The following CELF4 variants were observed in gnomAD, a reference collection of about 807,000 sequenced individuals.
The protein encoded by CELF4 is CUGBP Elav-like family member 4, also known as CUG-BP- and ETR-3-like factor 4.
In CELF4, 18 loss-of-function variants were observed where a neutral mutation model predicts 59.9. The observed-to-expected ratio is 0.30, with a 90% CI of 0.21 to 0.45. The LOEUF (loss-of-function observed/expected upper bound fraction) is 0.45, where lower values mean the gene tolerates loss of function less well. Among genes scored for constraint, CELF4 ranks in the 20% least tolerant of loss-of-function variants. The pLI is 1.00. For synonymous variants in CELF4, 261 were observed against 267.1 expected, an observed-to-expected ratio of 0.98 and a Z score of 0.22; for missense variants, 456 against 689.0, an observed-to-expected ratio of 0.66 and a Z score of 3.79.
chr18:37,270,133 G>C (rs919628642), intron 8 of CELF4, among the ~76,000 whole-genome samples: 5 of 152,162 alleles, frequency 3.3e-5, no homozygotes, highest in African/African-American at 9.7e-5. Context: ...GGCTAAGTTT[G>C]AGGAAAAAAG....
In CELF4 at chr18:37,543,892, C is replaced by T. The variant is rs74826358; in HGVS notation, c.286+21464G>A. Among the ~76,000 whole-genome samples, 68 of 152,280 alleles carry T rather than the reference C, an allele frequency of 4.5e-4. No homozygotes were observed. In the East Asian group the frequency reaches 0.012, roughly 27 times the overall value. On this transcript the variant is annotated intron_variant, in intron 1 of 12. Coordinates refer to ENST00000420428, the MANE Select transcript of CELF4 (RefSeq NM_020180.4). ...CCGCTGGGCAGGGAGGCTGAAGCTC[C>T]AGGGAGGCTGAAGCTTGGGGGACTC... is the stretch of plus-strand genomic sequence containing the variant.
At chr18:37,259,456 G>A (rs754558840) in intron 10 of CELF4, among the ~76,000 whole-genome samples, 192 bp from the exon 11 acceptor site, 11 of 152,202 alleles carry the variant, frequency 7.2e-5, no homozygotes, top group African/African-American at 2.7e-4. Flanking sequence ...TCTGAGCTCC[G>A]GTCTCTGCTC....
chr18:37,560,152 T>C (rs975197865), intron 1 of CELF4, among the ~76,000 whole-genome samples: 3 of 152,220 alleles, frequency 2.0e-5, no homozygotes, highest in Admixed American at 2.0e-4. Flanking sequence ...AGGGACGTTG[T>C]TAACATCTCC....
chr18:37,319,802 C>T (rs1449198410), intron 3 of CELF4, among the ~76,000 whole-genome samples: 1 of 152,192 alleles, frequency 6.6e-6, no homozygotes, highest in Non-Finnish European at 1.5e-5. Flanking sequence ...GAGCACTGGG[C>T]CTGGGCCTGG....
intron 1 of CELF4, among the ~76,000 whole-genome samples, chr18:37,559,375 A>G (rs927568941): frequency 2.0e-5 from 3 of 152,074 alleles, no homozygotes; most frequent in Non-Finnish European, 2.9e-5. Flanking sequence ...ACCCACAGAC[A>G]CATAGGTTTT....
chr18:37,310,248 G>A (rs1290844933), intron 3 of CELF4, among the ~76,000 whole-genome samples: 1 of 152,114 alleles, frequency 6.6e-6, no homozygotes, highest in African/African-American at 2.4e-5. Context: ...ATGGAACTGG[G>A]ACCAGAGGGC....
intron 2 of CELF4, among the ~76,000 whole-genome samples, chr18:37,396,785 C>T (rs117200028): frequency 0.037 from 5,622 of 152,260 alleles, 152 homozygotes; most frequent in Middle Eastern, 0.058. Context: ...AACCCATGAC[C>T]TCAGTCTCAG....
At chr18:37,518,264 G>C (rs889011485) in intron 1 of CELF4, among the ~76,000 whole-genome samples, 1 of 152,090 alleles carries the variant, frequency 6.6e-6, no homozygotes, top group Non-Finnish European at 1.5e-5. Flanking sequence ...AAATGAAGAA[G>C]AGTTTCAGCC....
rs116534971 is a variant in CELF4, at chr18:37,497,635, G to A, written c.287-12028C>T. On this transcript the variant is annotated intron_variant, in intron 1 of 12. Transcript: ENST00000420428. The stretch of plus-strand genomic sequence containing the variant: ...CCACTGTGCTCCAGCCTCGATGACA[G>A]AACGAGACTCTGTCTCAAAAAAAAA... Among the ~76,000 whole-genome samples, 3,436 of 141,832 alleles carry A rather than the reference G, an allele frequency of 0.024. 197 individuals carry two copies. In the East Asian group the frequency reaches 0.26, roughly 11 times the overall value. 93.0% of individuals were successfully genotyped at this position (141,832 alleles called of 152,430 possible).
At chr18:37,405,891 C>T (rs907449125) in intron 2 of CELF4, among the ~76,000 whole-genome samples, 1 of 152,158 alleles carries the variant, frequency 6.6e-6, no homozygotes, top group African/African-American at 2.4e-5. Context: ...GCTGGCCCCC[C>T]TCCAGCCGGG....
In CELF4 at chr18:37,253,781, G is replaced by GTC; in HGVS notation, c.*28_*29dup. The stretch of plus-strand genomic sequence containing the variant: ...CCCCCGGTTACCTGTGCGAGTCCTG[G>GTC]TCTCCCCCGGGGGACGCTCCCGCCG... On this transcript the variant is annotated 3_prime_UTR_variant, in exon 12 of 13. Coordinates refer to ENST00000420428, the MANE Select transcript of CELF4 (RefSeq NM_020180.4). This position sits in a 1 kb window ranked among gnomAD's most constrained non-coding sequence, Gnocchi z 4.5. The GTC allele has an allele frequency of 6.3e-7, 1 of 1,582,020 alleles. No individual in the cohort carries two copies. Among genetic ancestry groups the GTC allele is most frequent in the Non-Finnish European group, 8.6e-7 (1 of 1,163,566 alleles).
chr18:37,554,268 T>C (rs1603644067), intron 1 of CELF4, among the ~76,000 whole-genome samples: 1 of 152,098 alleles, frequency 6.6e-6, no homozygotes. Flanking sequence ...GGAACGGCAG[T>C]GACCCGCAGG....
chr18:37,488,054 C>A (rs956386270), intron 1 of CELF4, among the ~76,000 whole-genome samples: 1 of 151,986 alleles, frequency 6.6e-6, no homozygotes, highest in Non-Finnish European at 1.5e-5. Context: ...CAGGTGCACT[C>A]TGTCTTAGGG....
chr18:37,490,654 A>G (rs572900565), intron 1 of CELF4, among the ~76,000 whole-genome samples: 142 of 152,136 alleles, frequency 9.3e-4, no homozygotes, highest in African/African-American at 3.2e-3. Context: ...AATGTAAATG[A>G]TTCTGGTTCT....
At chr18:37,357,287 G>A (rs1477878593) in intron 2 of CELF4, among the ~76,000 whole-genome samples, 2 of 152,200 alleles carry the variant, frequency 1.3e-5, no homozygotes, top group African/African-American at 2.4e-5. Flanking sequence ...CTGCATCCTA[G>A]CTGCTCCAGC....
At chr18:37,307,686 C>T (rs1025174770) in intron 3 of CELF4, among the ~76,000 whole-genome samples, 1 of 151,972 alleles carries the variant, frequency 6.6e-6, no homozygotes, top group South Asian at 2.1e-4. Context: ...AGAGATGGGC[C>T]TCATGGTACA....
chr18:37,388,193 T>C (rs1190930588), intron 2 of CELF4, among the ~76,000 whole-genome samples: 1 of 152,082 alleles, frequency 6.6e-6, no homozygotes, highest in East Asian at 1.9e-4. Flanking sequence ...AAGGTGAGGC[T>C]GAGGTCTTCA....
rs28669029 is a variant in CELF4, at chr18:37,521,805, C to T, written c.287-36198G>A. Among the ~76,000 whole-genome samples the T allele has an allele frequency of 4.4e-3, 675 of 152,308 alleles. 2 individuals are homozygous for T. The highest frequency in any genetic ancestry group is 0.016 in the African/African-American group (649 of 41,568). ...CTGTGAAAGCCTGTCCTTCATCCTG[C>T]CATGCAGGCAGGAAGGCTTGAGGAG... On this transcript the variant is annotated intron_variant, in intron 1 of 12. Transcript: ENST00000420428.
intron 2 of CELF4, among the ~76,000 whole-genome samples, chr18:37,389,693 C>T (rs1003730142): frequency 1.3e-5 from 2 of 152,172 alleles, no homozygotes; most frequent in African/African-American, 2.4e-5. Context: ...TCCTGCCCTC[C>T]CTGCAGCCTC....
Sources: allele counts gnomAD v4.1 joint callset (sites outside exome capture counted in the v4.1 genomes callset), GRCh38; gene constraint gnomAD v4.1.1; non-coding constraint Gnocchi (gnomAD v3.1); transcripts MANE v1.5; gene names NCBI Gene and HGNC (gene_info 2026-07-23, HGNC 2026-07-21).